The following ADAM12 variants were observed in gnomAD, a reference collection of about 807,000 sequenced individuals.
ADAM12 encodes the protein disintegrin and metalloproteinase domain-containing protein 12.
In ADAM12, 70 loss-of-function variants were observed where a neutral mutation model predicts 106.4. The ratio of observed to expected loss-of-function variants is 0.66; its 90% CI spans 0.54 to 0.80. The LOEUF is 0.80. ADAM12 is among the 30% of genes least tolerant of loss of function. ADAM12 has a pLI of 0.00. For missense variants in ADAM12, 1,010 were observed against 1,171.9 expected (o/e 0.86, Z 2.02); for synonymous variants, 420 against 433.5 (o/e 0.97, Z 0.39).
intron 3 of ADAM12, among the ~76,000 whole-genome samples, chr10:126,228,358 C>T (rs980532930): frequency 1.3e-5 from 2 of 152,144 alleles, no homozygotes; most frequent in South Asian, 2.1e-4. Context: ...TCCAAGAGAT[C>T]GTTTCATATA....
At chr10:126,230,564 T>C (rs1393311648) in intron 3 of ADAM12, among the ~76,000 whole-genome samples, 2 of 152,218 alleles carry the variant, frequency 1.3e-5, no homozygotes, top group Non-Finnish European at 2.9e-5. Context: ...CAACACCGAA[T>C]TGTAGTTTTT....
chr10:126,038,430 G>T, intron 19 of ADAM12, 81 bp from the exon 20 acceptor site: 3 of 1,088,632 alleles, frequency 2.8e-6, no homozygotes, highest in Non-Finnish European at 3.9e-6. Flanking sequence ...GCTCATAGTG[G>T]CACTCAAAAG....
intron 16 of ADAM12, among the ~76,000 whole-genome samples, chr10:126,047,347 C>T (rs891199652): frequency 2.6e-5 from 4 of 152,132 alleles, no homozygotes; most frequent in African/African-American, 7.2e-5. Flanking sequence ...GATTCCCACT[C>T]GGTGGGTGCG....
At chr10:126,116,150 C>T (rs1955978088) in intron 6 of ADAM12, among the ~76,000 whole-genome samples, 1 of 152,198 alleles carries the variant, frequency 6.6e-6, no homozygotes, top group African/African-American at 2.4e-5. Context: ...AAGCTGTAAG[C>T]TAAAAGAATT....
intron 12 of ADAM12, among the ~76,000 whole-genome samples, chr10:126,069,934 G>A (rs924254013): frequency 1.3e-5 from 2 of 152,120 alleles, no homozygotes; most frequent in East Asian, 3.9e-4. Flanking sequence ...GGCATATGGA[G>A]TAAATGACTG....
In ADAM12 at chr10:126,049,393, T is replaced by A. The variant is rs143938135; in HGVS notation, c.1777A>T (p.Thr593Ser). 1 of 1,614,104 alleles carries A rather than the reference T, an allele frequency of 6.2e-7. No individual in the cohort carries two copies. Among genetic ancestry groups the A allele is most frequent in the African/African-American group, 1.3e-5 (1 of 74,928 alleles). ...QGGASRPVIGTNAVSIETNIP... is the reference protein window; with the variant it reads ...QGGASRPVIGSNAVSIETNIP... ...TTTGTTTCTATGGAAACGGCATTGG[T>A]ACCAATGACTGGCCGGCTGGCACCT... is the stretch of plus-strand genomic sequence containing the variant. Residue 593 changes from threonine to serine, a missense_variant, in exon 16 of 23, where the codon ACC (threonine) becomes TCC (serine). Coordinates refer to ENST00000448723, the MANE Select transcript of ADAM12 (RefSeq NM_001288973.2). The surrounding 1 kb of genome is among the most constrained non-coding windows in gnomAD (Gnocchi z 4.4).
At chr10:126,163,037 T>G (rs1411007307) in intron 3 of ADAM12, among the ~76,000 whole-genome samples, 1 of 152,102 alleles carries the variant, frequency 6.6e-6, no homozygotes, top group Non-Finnish European at 1.5e-5. Context: ...TCTCACTTTC[T>G]CCCGCTTTCA....
At chr10:126,334,985 T>C (rs764935950) in intron 1 of ADAM12, among the ~76,000 whole-genome samples, 17 of 152,230 alleles carry the variant, frequency 1.1e-4, no homozygotes, top group Admixed American at 6.5e-5. Context: ...TTCTCTCCTC[T>C]AAGATTCTCA....
At chr10:126,234,129 T>TA (rs1447817770) in intron 3 of ADAM12, among the ~76,000 whole-genome samples, 2 of 152,040 alleles carry the variant, frequency 1.3e-5, no homozygotes, top group Non-Finnish European at 2.9e-5. Flanking sequence ...ACCACTCCTA[T>TA]ACAAAGAAAA....
At chr10:126,141,155 C>T (rs1375809172) in intron 4 of ADAM12, among the ~76,000 whole-genome samples, 1 of 152,222 alleles carries the variant, frequency 6.6e-6, no homozygotes, top group Admixed American at 6.5e-5. Context: ...GGGGCTTGCA[C>T]CCCAGGGCCC....
chr10:126,121,051 T>G (rs1342896476), intron 5 of ADAM12, among the ~76,000 whole-genome samples: 1 of 102,352 alleles, frequency 9.8e-6, no homozygotes, highest in African/African-American at 3.9e-5. Context: ...TATAATATAT[T>G]ATATGCAATA....
In ADAM12 at chr10:126,015,543, A is replaced by AT. The variant is rs1564987546; in HGVS notation, c.*1735dup. On this transcript the variant is annotated 3_prime_UTR_variant, in exon 23 of 23. Transcript: ENST00000448723. Reference sequence around the variant, plus strand: ...ATGCATGCTATACGAGTTGGAATGTATTAGAGCTGGGTTCCCTTTTGTGTG... The same window carrying AT: ...ATGCATGCTATACGAGTTGGAATGTATTTAGAGCTGGGTTCCCTTTTGTGTG... 6.6e-6 allele frequency: 1 copy of AT among 152,214 alleles called. No individual in the cohort carries two copies. The allele number at this position is 152,214 out of a possible 1,614,324, so 9.4% of individuals were successfully genotyped here.
At chr10:126,293,631 G>A (rs1179494564) in intron 2 of ADAM12, among the ~76,000 whole-genome samples, 1 of 152,150 alleles carries the variant, frequency 6.6e-6, no homozygotes, top group Non-Finnish European at 1.5e-5. Context: ...CAATTCTCCT[G>A]CCTCAGCCTC....
At chr10:126,072,624 G>C (rs894314606) in intron 11 of ADAM12, among the ~76,000 whole-genome samples, 1 of 152,088 alleles carries the variant, frequency 6.6e-6, no homozygotes, top group Non-Finnish European at 1.5e-5. Context: ...AGGAAAACAC[G>C]CTTCTAATAT....
At chr10:126,269,351 C>T (rs1042425937) in intron 3 of ADAM12, among the ~76,000 whole-genome samples, 3 of 152,200 alleles carry the variant, frequency 2.0e-5, no homozygotes, top group Non-Finnish European at 2.9e-5. Flanking sequence ...TCATTTTACC[C>T]AGCTCCTATT....
intron 2 of ADAM12, among the ~76,000 whole-genome samples, chr10:126,325,609 T>C (rs1854273693): frequency 6.6e-6 from 1 of 152,222 alleles, no homozygotes; most frequent in South Asian, 2.1e-4. Context: ...CTTATACTCT[T>C]TCTGTAACTT....
intron 2 of ADAM12, among the ~76,000 whole-genome samples, chr10:126,319,959 G>A (rs1002262194): frequency 3.9e-5 from 6 of 152,120 alleles, no homozygotes; most frequent in Admixed American, 3.9e-4. Flanking sequence ...TGTAGTCTTG[G>A]GAGACACGTG....
At chr10:126,325,006 C>T (rs1359659605) in intron 2 of ADAM12, among the ~76,000 whole-genome samples, 3 of 152,028 alleles carry the variant, frequency 2.0e-5, no homozygotes, top group Admixed American at 6.6e-5. Flanking sequence ...TGCAAGTAGA[C>T]CATGAGGTCA....
intron 1 of ADAM12, among the ~76,000 whole-genome samples, chr10:126,377,735 G>C (rs549855952): frequency 6.6e-6 from 1 of 152,206 alleles, no homozygotes; most frequent in African/African-American, 2.4e-5. Flanking sequence ...GAGGTAAATA[G>C]AACAGTAGGA....
Sources: gnomAD v4.1 joint callset for allele counts (sites outside exome capture counted in the v4.1 genomes callset) on GRCh38, gnomAD v4.1.1 for gene constraint, Gnocchi (gnomAD v3.1) non-coding constraint, MANE v1.5 for transcripts, NCBI Gene and HGNC (gene_info 2026-07-23, HGNC 2026-07-21) for gene names.